Variants in PHC3 observed in about 807,000 individuals in gnomAD.
PHC3 encodes polyhomeotic-like protein 3.
A neutral mutation model predicts 107.4 loss-of-function variants in PHC3; 13 were observed. The observed-to-expected ratio is 0.12, with a 90% CI of 0.08 to 0.19. The LOEUF (loss-of-function observed/expected upper bound fraction) is 0.19, where lower values mean the gene tolerates loss of function less well. PHC3 is among the 10% of genes least tolerant of loss of function. The pLI is 1.00. For missense variants in PHC3, 992 were observed against 1,210.9 expected (o/e 0.82, Z 2.68); for synonymous variants, 456 against 427.4 (o/e 1.07, Z -0.83).
At chr3:170,150,747 A>C in intron 4 of PHC3, 3 of 420,716 alleles carry the variant, frequency 7.1e-6, no homozygotes, top group Non-Finnish European at 1.4e-5. Flanking sequence ...AAACCCAATA[A>C]ACTAGTGCAT....
chr3:170,150,584 G>C (rs1172906484), intron 4 of PHC3: 2 of 177,254 alleles, frequency 1.1e-5, no homozygotes, highest in African/African-American at 4.8e-5. Context: ...GTGGTGGTGG[G>C]TGCCTGTAGT....
At chr3:170,112,524 ATT>A (rs34511229) in intron 11 of PHC3, among the ~76,000 whole-genome samples, 18 of 119,728 alleles carry the variant, frequency 1.5e-4, no homozygotes, top group Middle Eastern at 5.6e-3. Flanking sequence ...CGCCTGGCCT[ATT>A]TTTTTTTTTT....
intron 4 of PHC3, among the ~76,000 whole-genome samples, chr3:170,155,934 T>C (rs1172979759): frequency 9.9e-5 from 15 of 152,188 alleles, no homozygotes; most frequent in Admixed American, 9.8e-4. Context: ...TTAACTTTTC[T>C]ATGTAGATAT....
intron 12 of PHC3, among the ~76,000 whole-genome samples, chr3:170,106,200 A>G (rs192315173): frequency 9.3e-5 from 14 of 151,150 alleles, no homozygotes; most frequent in African/African-American, 3.1e-4. Flanking sequence ...CTATAGAGTA[A>G]GACTCTATAT....
rs182629855 is a variant in PHC3 at position 170,129,206 on chromosome 3, A to G, written c.1266T>C (p.Pro422=). ...GTGCTTGTGGATGAATAATTATAGTAGGAGACTGACTTGGTGAATGAGGTG... is the reference window on the plus strand; with the variant it reads ...GTGCTTGTGGATGAATAATTATAGTGGGAGACTGACTTGGTGAATGAGGTG... ...PPPPHSPSQS[P]TIIIHPQALI... The change falls in exon 8 of 15, where the codon CCT becomes CCC. Residue 422 remains proline, a synonymous_variant. Coordinates refer to ENST00000495893, the MANE Select transcript of PHC3 (RefSeq NM_024947.4). 3.6e-4 allele frequency: 574 copies of G among 1,613,934 alleles called. 2 individuals carry two copies. In the African/African-American group the frequency reaches 6.9e-3, roughly 19 times the overall value.
Position 170,178,759 on chromosome 3 carries a change from TACAGCTGA to T in PHC3, c.180+6_180+13del, listed in dbSNP as rs754047158. 1.2e-6 allele frequency: 2 copies of T among 1,613,550 alleles called. No individual in the cohort carries two copies. On this transcript the variant is annotated splice_donor_region_variant and intron_variant, in intron 2 of 14. Transcript: ENST00000495893. The stretch of plus-strand genomic sequence containing the variant: ...TCTTAAGTCTTAGACTACCCATCAC[TACAGCTGA>T]AATACCTGTACAGCATGTCGGTCTG...
At chr3:170,163,467 T>A (rs1378304374) in intron 4 of PHC3, among the ~76,000 whole-genome samples, 24 of 75,824 alleles carry the variant, frequency 3.2e-4, no homozygotes, top group African/African-American at 5.7e-4. Flanking sequence ...AAAGAGTGTG[T>A]GTGTGTGTGT....
chr3:170,144,042 C>T (rs953311843), intron 6 of PHC3, among the ~76,000 whole-genome samples: 7 of 151,290 alleles, frequency 4.6e-5, no homozygotes, highest in East Asian at 1.9e-4. Context: ...AAGAATATAT[C>T]GAGGCCGGGC....
intron 4 of PHC3, among the ~76,000 whole-genome samples, chr3:170,152,884 A>C (rs776930147): frequency 3.3e-5 from 5 of 151,226 alleles, no homozygotes; most frequent in African/African-American, 4.9e-5. Flanking sequence ...CTTGCCTCAA[A>C]CTCCTGGGCT....
intron 8 of PHC3, among the ~76,000 whole-genome samples, chr3:170,127,386 C>T (rs1042461281): frequency 1.3e-5 from 2 of 152,230 alleles, no homozygotes; most frequent in African/African-American, 2.4e-5. Context: ...AGGCTGGTCT[C>T]GAACTCCTCA....
intron 4 of PHC3, among the ~76,000 whole-genome samples, chr3:170,157,529 G>A (rs906661816): frequency 3.3e-5 from 5 of 152,108 alleles, no homozygotes; most frequent in African/African-American, 1.2e-4. Flanking sequence ...TTTTGGAAAA[G>A]GCTTCTACAC....
intron 11 of PHC3, among the ~76,000 whole-genome samples, chr3:170,109,654 T>A (rs987343710): frequency 1.3e-5 from 2 of 152,056 alleles, no homozygotes; most frequent in Non-Finnish European, 2.9e-5. Context: ...TGAAATCACA[T>A]GAGGACAGCA....
In PHC3 at chr3:170,149,149, T is replaced by C. The variant is rs1172465878; in HGVS notation, c.510A>G (p.Leu170=). The change falls in exon 5 of 15, where the codon TTA becomes TTG. Residue 170 remains leucine (L), a synonymous_variant. Coordinates refer to ENST00000495893, the MANE Select transcript of PHC3 (RefSeq NM_024947.4). Reference sequence around the variant, plus strand: ...TTAGGGTAGGGGAAGTACTCCCTAGTAACATAGTCTGTTGGGTAATACTGC... The same window carrying C: ...TTAGGGTAGGGGAAGTACTCCCTAGCAACATAGTCTGTTGGGTAATACTGC... ...TSGSITQQTM[L]LGSTSPTLTA... 1 of 1,613,212 alleles carries C rather than the reference T, an allele frequency of 6.2e-7. No individual in the cohort carries two copies. The highest frequency in any genetic ancestry group is 8.5e-7 in the Non-Finnish European group (1 of 1,179,742).
chr3:170,098,736 T>G (rs1714987705), intron 14 of PHC3, among the ~76,000 whole-genome samples: 2 of 152,220 alleles, frequency 1.3e-5, no homozygotes, highest in South Asian at 4.1e-4. Flanking sequence ...CTCTGTTACT[T>G]GTATCTTTAC....
chr3:170,117,085 T>G, intron 10 of PHC3, 141 bp downstream of exon 10: 1 of 1,051,896 alleles, frequency 9.5e-7, no homozygotes, highest in East Asian at 2.6e-5. Context: ...ATAAAGGAAG[T>G]AGAAAGATAA....
chr3:170,176,726 G>A lies in PHC3; in HGVS notation c.180+2047C>T, dbSNP rs11924470. 6.6e-3 allele frequency: 1,311 copies of A among 198,094 alleles called. 16 individuals are homozygous for A. The highest frequency in any genetic ancestry group is 0.028 in the African/African-American group (1,246 of 43,772). The allele number at this position is 198,094 out of a possible 1,614,324, so 12.3% of individuals were successfully genotyped here. A position where few individuals can be genotyped will look rare whatever the true frequency, so the allele number is the denominator to read the frequency against. On this transcript the variant is annotated intron_variant, in intron 2 of 14. Transcript: ENST00000495893. ...GTAACATTTATCAAATGTTTGGCAC[G>A]TAGCAATTATTCAATAAGTATTAGC...
At position 170,089,522 on chromosome 3, in the gene PHC3, G is replaced by C. The variant is rs1398306072; in HGVS notation, c.*7708C>G. 6.6e-6 allele frequency: 1 copy of C among 152,208 alleles called. No homozygotes were observed. Among genetic ancestry groups the C allele is most frequent in the Non-Finnish European group, 1.5e-5 (1 of 68,020 alleles). 9.4% of individuals were successfully genotyped at this position (152,208 alleles called of 1,614,324 possible). A position where few individuals can be genotyped will look rare whatever the true frequency, so the allele number is the denominator to read the frequency against. ...GATATTTGTAATAGCTTAAAGTACAGTAACACTTATTTTGTGTAATCTTTC... is the reference window on the plus strand; with the variant it reads ...GATATTTGTAATAGCTTAAAGTACACTAACACTTATTTTGTGTAATCTTTC... On this transcript the variant is annotated 3_prime_UTR_variant, in exon 15 of 15. Transcript: ENST00000495893.
At position 170,091,623 on chromosome 3, in the gene PHC3, C is replaced by G. The variant is rs1714095811; in HGVS notation, c.*5607G>C. On this transcript the variant is annotated 3_prime_UTR_variant, in exon 15 of 15. Coordinates refer to ENST00000495893, the MANE Select transcript of PHC3 (RefSeq NM_024947.4). ...ACTTGGAAGGGGTGTGTGCATGTGTCTGAGTAGAAAAGCTGATCTTCAGAG... is the reference window on the plus strand; with the variant it reads ...ACTTGGAAGGGGTGTGTGCATGTGTGTGAGTAGAAAAGCTGATCTTCAGAG... 1 of 152,088 alleles carries G rather than the reference C, an allele frequency of 6.6e-6. No homozygotes were observed. Among genetic ancestry groups the G allele is most frequent in the Non-Finnish European group, 1.5e-5 (1 of 68,010 alleles). 9.4% of individuals were successfully genotyped at this position (152,088 alleles called of 1,614,324 possible). A position where few individuals can be genotyped will look rare whatever the true frequency, so the allele number is the denominator to read the frequency against.
intron 11 of PHC3, among the ~76,000 whole-genome samples, chr3:170,110,930 C>A (rs1416887660): frequency 2.0e-5 from 3 of 151,996 alleles, no homozygotes; most frequent in African/African-American, 2.4e-5. Flanking sequence ...AAAAGAATAC[C>A]TGCACATTCT....
Sources: gnomAD v4.1 joint callset for allele counts (sites outside exome capture counted in the v4.1 genomes callset) on GRCh38, gnomAD v4.1.1 for gene constraint, MANE v1.5 for transcripts, NCBI Gene and HGNC (gene_info 2026-07-23, HGNC 2026-07-21) for gene names.